Variants in FOXP1 observed in about 807,000 individuals in gnomAD.
FOXP1 encodes the protein forkhead box P1.
FOXP1 carries 15 observed loss-of-function variants against 98.2 expected under a neutral mutation model. The observed-to-expected ratio is 0.15, with a 90% CI of 0.10 to 0.24. The LOEUF (loss-of-function observed/expected upper bound fraction) is 0.24, where lower values mean the gene tolerates loss of function less well. Ranked by LOEUF, FOXP1 falls within the 10% of genes least tolerant of loss-of-function variation. FOXP1 has a pLI of 1.00. For synonymous variants in FOXP1, 371 were observed against 314.5 expected (o/e 1.18, Z -1.90); for missense variants, 633 against 848.5 (o/e 0.75, Z 3.15).
chr3:71,364,047 C>T (rs2078749496), intron 3 of FOXP1, among the ~76,000 whole-genome samples: 1 of 152,186 alleles, frequency 6.6e-6, no homozygotes, highest in African/African-American at 2.4e-5. Flanking sequence ...GTGGGAGGTG[C>T]TCACCCATTA....
intron 3 of FOXP1, among the ~76,000 whole-genome samples, chr3:71,463,734 A>T (rs2088400352): frequency 6.6e-6 from 1 of 152,106 alleles, no homozygotes; most frequent in Non-Finnish European, 1.5e-5. Flanking sequence ...CTGCGTCTTG[A>T]CCCCAAACAC....
At chr3:71,532,568 G>C (rs2043945033) in intron 2 of FOXP1, among the ~76,000 whole-genome samples, 2 of 152,170 alleles carry the variant, frequency 1.3e-5, no homozygotes, top group African/African-American at 4.8e-5. Flanking sequence ...GTCAGTGTGA[G>C]TTTCCTTAAG....
At chr3:71,406,403 G>A (rs371790171) in intron 3 of FOXP1, among the ~76,000 whole-genome samples, 7 of 107,962 alleles carry the variant, frequency 6.5e-5, no homozygotes, top group Non-Finnish European at 1.1e-4. Flanking sequence ...ATAACTGTAT[G>A]TGTATATATA....
chr3:71,426,711 A>T (rs2084184969), intron 3 of FOXP1, among the ~76,000 whole-genome samples: 1 of 152,150 alleles, frequency 6.6e-6, no homozygotes, highest in Non-Finnish European at 1.5e-5. Context: ...CTTCACTTAA[A>T]AATTACCTTC....
At chr3:70,970,845 T>G in intron 18 of FOXP1, 40 bp from the exon 19 acceptor site, 1 of 1,480,636 alleles carries the variant, frequency 6.8e-7, no homozygotes, top group African/African-American at 1.4e-5. Context: ...TTAAACACAG[T>G]CGACTGCTGA....
At chr3:71,296,600 C>A (rs186127813) in intron 5 of FOXP1, 7 of 142,804 alleles carry the variant, frequency 4.9e-5, no homozygotes, top group Non-Finnish European at 9.4e-5. Flanking sequence ...GGAATGGATA[C>A]TGTAAAAGAA....
At chr3:71,215,014 G>C (rs1201184679) in intron 5 of FOXP1, among the ~76,000 whole-genome samples, 2 of 152,192 alleles carry the variant, frequency 1.3e-5, no homozygotes, top group African/African-American at 4.8e-5. Flanking sequence ...CTGGGAGCTT[G>C]TTAGATATGC....
At chr3:71,398,182 C>G (rs1385190261) in intron 3 of FOXP1, among the ~76,000 whole-genome samples, 1 of 152,170 alleles carries the variant, frequency 6.6e-6, no homozygotes, top group Non-Finnish European at 1.5e-5. Context: ...AGAAATTGTG[C>G]CTCTTTCCTT....
At chr3:71,537,281 G>A (rs998078758) in intron 2 of FOXP1, among the ~76,000 whole-genome samples, 2 of 152,218 alleles carry the variant, frequency 1.3e-5, no homozygotes, top group African/African-American at 4.8e-5. Flanking sequence ...AGGGTCAAAA[G>A]GTGGCCGAGG....
chr3:71,565,094 GT>G (rs1308840635), intron 2 of FOXP1, among the ~76,000 whole-genome samples: 1 of 152,150 alleles, frequency 6.6e-6, no homozygotes, highest in Non-Finnish European at 1.5e-5. Context: ...GCAAGACTTT[GT>G]CTCAAAGAAA....
chr3:71,448,723 C>T (rs190859722), intron 3 of FOXP1, among the ~76,000 whole-genome samples: 1 of 152,148 alleles, frequency 6.6e-6, no homozygotes, highest in Non-Finnish European at 1.5e-5. Flanking sequence ...AAAGATAATT[C>T]CTGTCGGCTG....
chr3:71,228,480 G>T (rs1366280363), intron 5 of FOXP1, among the ~76,000 whole-genome samples: 1 of 152,154 alleles, frequency 6.6e-6, no homozygotes, highest in Admixed American at 6.5e-5. Flanking sequence ...ATGGAATCAG[G>T]TTTTTAACAA....
intron 7 of FOXP1, among the ~76,000 whole-genome samples, chr3:71,055,643 G>A (rs1031943553): frequency 6.6e-6 from 1 of 152,164 alleles, no homozygotes; most frequent in African/African-American, 2.4e-5. Flanking sequence ...ATTCCAGTTA[G>A]TCTACTTTGT....
intron 7 of FOXP1, among the ~76,000 whole-genome samples, chr3:71,068,204 T>C (rs2052788684): frequency 6.6e-6 from 1 of 152,168 alleles, no homozygotes; most frequent in South Asian, 2.1e-4. Flanking sequence ...ATGAGTCCAT[T>C]GTGCAGCTGG....
chr3:71,395,519 C>A (rs1157912520), intron 3 of FOXP1, among the ~76,000 whole-genome samples: 1 of 151,722 alleles, frequency 6.6e-6, no homozygotes, highest in Non-Finnish European at 1.5e-5. Context: ...TCTGAGAAGC[C>A]TTACCTGGGT....
At chr3:71,044,277 AT>A (rs1271536781) in intron 10 of FOXP1, among the ~76,000 whole-genome samples, 1 of 152,216 alleles carries the variant, frequency 6.6e-6, no homozygotes, top group Non-Finnish European at 1.5e-5. Flanking sequence ...AAACAAATCC[AT>A]TAGCAGGTAC....
intron 6 of FOXP1, 75 bp downstream of exon 6, chr3:71,198,127 C>G (rs545709406): frequency 1.7e-4 from 271 of 1,612,996 alleles, no homozygotes; most frequent in Non-Finnish European, 2.1e-4. Flanking sequence ...ATCGCGAGAT[C>G]GCGATTAAGT....
chr3:71,504,892 A>G (rs574166664), intron 2 of FOXP1, among the ~76,000 whole-genome samples: 2 of 152,216 alleles, frequency 1.3e-5, no homozygotes, highest in Non-Finnish European at 2.9e-5. Context: ...CCTGTGCTGC[A>G]CTGCACATGA....
At chr3:71,524,696 T>C (rs543618060) in intron 2 of FOXP1, among the ~76,000 whole-genome samples, 27 of 152,346 alleles carry the variant, frequency 1.8e-4, no homozygotes, top group Admixed American at 2.0e-4. Context: ...AATTTTCAAA[T>C]TGTTCATGTT....
Sources: allele counts gnomAD v4.1 joint callset (sites outside exome capture counted in the v4.1 genomes callset), GRCh38; gene constraint gnomAD v4.1.1; transcripts MANE v1.5; gene names NCBI Gene and HGNC (gene_info 2026-07-23, HGNC 2026-07-21).